The following ZNF519 variants were observed in gnomAD, a reference collection of about 807,000 sequenced individuals.
The protein encoded by ZNF519 is zinc finger protein 519.
A neutral mutation model predicts 7.4 loss-of-function variants in ZNF519; 7 were observed. The ratio of observed to expected loss-of-function variants is 0.94; its 90% CI spans 0.54 to 1.77. ZNF519 has a LOEUF of 1.77. Among genes scored for constraint, ZNF519 ranks in the 40% most tolerant of loss-of-function variants. The pLI is 0.00. For synonymous variants in ZNF519, 179 were observed against 203.3 expected (o/e 0.88, Z 1.02); for missense variants, 586 against 623.1 (o/e 0.94, Z 0.63).
intron 2 of ZNF519, among the ~76,000 whole-genome samples, chr18:14,116,844 T>C (rs2046248329): frequency 6.6e-6 from 1 of 152,144 alleles, no homozygotes; most frequent in Admixed American, 6.5e-5. Flanking sequence ...CTGTCTCTAC[T>C]AAAAATATTT....
In ZNF519 at chr18:14,105,453, G is replaced by C. The variant is rs2046184728; in HGVS notation, c.1087C>G (p.Leu363Val). 6.2e-7 allele frequency: 1 copy of C among 1,613,666 alleles called. No individual in the cohort carries two copies. Among genetic ancestry groups the C allele is most frequent in the Non-Finnish European group, 8.5e-7 (1 of 1,179,922 alleles). ...CGKAFNRGSY[L>V]TQHQRIHTGE... ...GTATGGATTCTCTGGTGTTGAGTAAGGTATGACCCCCTGTTAAAGGCTTTG... is the reference window on the plus strand; with the variant it reads ...GTATGGATTCTCTGGTGTTGAGTAACGTATGACCCCCTGTTAAAGGCTTTG... Residue 363 changes from leucine (L) to valine (V), a missense_variant, in exon 3 of 3, where the codon CTT (leucine) becomes GTT (valine). Leu to Val is a conservative substitution (Grantham distance 32). Transcript: ENST00000590202.
intron 2 of ZNF519, among the ~76,000 whole-genome samples, chr18:14,085,293 C>T (rs2046085935): frequency 2.6e-5 from 4 of 151,818 alleles, no homozygotes; most frequent in African/African-American, 4.8e-5. Flanking sequence ...TTCCCTTGCC[C>T]GAGACAGATT....
intron 2 of ZNF519, among the ~76,000 whole-genome samples, chr18:14,088,620 A>G (rs2046101215): frequency 6.6e-6 from 1 of 152,248 alleles, no homozygotes; most frequent in Non-Finnish European, 1.5e-5. Flanking sequence ...CAAAGAAAAG[A>G]TAAAAGTTGT....
Position 14,103,638 on chromosome 18 carries a change from A to G in ZNF519, c.*1279T>C, listed in dbSNP as rs1343523889. The G allele has an allele frequency of 6.6e-6, 1 of 152,128 alleles. No homozygotes were observed. The highest frequency in any genetic ancestry group is 1.5e-5 in the Non-Finnish European group (1 of 67,980). 9.4% of individuals were successfully genotyped at this position (152,128 alleles called of 1,614,324 possible). On this transcript the variant is annotated 3_prime_UTR_variant, in exon 3 of 3. Transcript: ENST00000590202. ...TAGCTAAGGGCTAATTAACTACTCA[A>G]CACACCTTGGGGAACTTGTTAGAGT...
downstream of ZNF519, chr18:14,073,755 T>C (rs1386108170): frequency 2.0e-5 from 3 of 152,220 alleles, no homozygotes; most frequent in African/African-American, 7.2e-5. Context: ...TTCAGATATT[T>C]TACCAGTACA....
chr18:14,099,296 G>A (rs2046149979), downstream of ZNF519, among the ~76,000 whole-genome samples: 2 of 151,964 alleles, frequency 1.3e-5, no homozygotes, highest in South Asian at 4.2e-4. Context: ...TTGGTGATGG[G>A]CACATAAAAG....
downstream of ZNF519, chr18:14,074,907 T>C (rs889535019): frequency 6.6e-6 from 1 of 152,164 alleles, no homozygotes; most frequent in African/African-American, 2.4e-5. Context: ...GTCCATTTTT[T>C]TTCACATTGC....
At chr18:14,077,191 G>A (rs142539912) in exon 5 of ZNF519, 1 of 152,202 alleles carries the variant, frequency 6.6e-6, no homozygotes, top group Non-Finnish European at 1.5e-5. Flanking sequence ...GTTAGGGACT[G>A]GTTTGTGACC....
intron 2 of ZNF519, among the ~76,000 whole-genome samples, chr18:14,109,036 G>A (rs2046208562): frequency 6.6e-6 from 1 of 152,010 alleles, no homozygotes; most frequent in Non-Finnish European, 1.5e-5. Context: ...GAACCTGGGA[G>A]GCAGAGGTTG....
At chr18:14,076,125 A>C (rs1446489173) in exon 5 of ZNF519, 1 of 152,164 alleles carries the variant, frequency 6.6e-6, no homozygotes, top group Non-Finnish European at 1.5e-5. Context: ...CGGAGCTGAC[A>C]ATGTGCTTAA....
intron 2 of ZNF519, among the ~76,000 whole-genome samples, chr18:14,108,571 C>T (rs532160101): frequency 3.6e-4 from 54 of 151,182 alleles, no homozygotes; most frequent in Non-Finnish European, 6.5e-4. Context: ...GAATGTAAAT[C>T]GACTAAACTC....
At chr18:14,083,697 C>A (rs943365181) in intron 3 of ZNF519, among the ~76,000 whole-genome samples, 1 of 152,098 alleles carries the variant, frequency 6.6e-6, no homozygotes, top group African/African-American at 2.4e-5. Context: ...TTACTTGAGG[C>A]CAGGAGTTCA....
chr18:14,096,264 C>T (rs1207327114), downstream of ZNF519, among the ~76,000 whole-genome samples: 1 of 152,204 alleles, frequency 6.6e-6, no homozygotes, highest in African/African-American at 2.4e-5. Flanking sequence ...GGCAATGTGA[C>T]TCTGCCCTTC....
In ZNF519 at chr18:14,130,734, C is replaced by T. The variant is rs567262261; in HGVS notation, c.3+1541G>A. Among the ~76,000 whole-genome samples, 20 of 151,900 alleles carry T rather than the reference C, an allele frequency of 1.3e-4. 1 individual carries two copies. In the South Asian group the frequency reaches 3.7e-3, roughly 28 times the overall value. On this transcript the variant is annotated intron_variant, in intron 1 of 2. Transcript: ENST00000590202. ...TCCTTCAGGTTAGTTTCTCTCCCTT[C>T]GCAAATATAAGACAATTCAGAAGAC...
intron 1 of ZNF519, among the ~76,000 whole-genome samples, chr18:14,129,641 A>C (rs2046319907): frequency 6.6e-6 from 1 of 152,130 alleles, no homozygotes; most frequent in Admixed American, 6.5e-5. Flanking sequence ...CTGAACACCA[A>C]CCAATTATCC....
At position 14,105,370 on chromosome 18, in the gene ZNF519, G is replaced by A. The variant is rs542240439; in HGVS notation, c.1170C>T (p.Tyr390=). The A allele has an allele frequency of 6.5e-5, 105 of 1,613,692 alleles. No homozygotes were observed. Among genetic ancestry groups the A allele is most frequent in the South Asian group, 2.5e-4 (23 of 91,066 alleles). The change falls in exon 3 of 3, where the codon TAC becomes TAT. Residue 390 remains tyrosine, a synonymous_variant. Coordinates refer to ENST00000590202, the MANE Select transcript of ZNF519 (RefSeq NM_145287.4). The stretch of plus-strand genomic sequence containing the variant: ...TATGCATTCTCTGATGCTGAGTAAC[G>A]TATGAGCTTCTATTAAAGGCTTTGC... The part of the protein sequence containing the change: ...ECGKAFNRSS[Y]VTQHQRMHTG...
Position 14,100,551 on chromosome 18 carries a change from T to C in ZNF519, c.*4366A>G, listed in dbSNP as rs1471444793. ...TAGATGAATCTCCAAGGAATTATGC[T>C]GAAGGAAAAGGGCCAATTACAAAAG... On this transcript the variant is annotated 3_prime_UTR_variant, in exon 3 of 3. Coordinates refer to ENST00000590202, the MANE Select transcript of ZNF519 (RefSeq NM_145287.4). The C allele has an allele frequency of 6.6e-6, 1 of 152,198 alleles. No homozygotes were observed. Among genetic ancestry groups the C allele is most frequent in the African/African-American group, 2.4e-5 (1 of 41,454 alleles). The allele number at this position is 152,198 out of a possible 1,614,324, so 9.4% of individuals were successfully genotyped here.
At chr18:14,074,815 T>A (rs949328344), downstream of ZNF519, 3 of 152,372 alleles carry the variant, frequency 2.0e-5, no homozygotes, top group African/African-American at 7.2e-5. Context: ...CTTTCCCTGT[T>A]ACCCAGTTCC....
intron 1 of ZNF519, among the ~76,000 whole-genome samples, chr18:14,131,419 G>A (rs181211395): frequency 0.016 from 2,361 of 152,278 alleles, 56 homozygotes; most frequent in African/African-American, 0.054. Flanking sequence ...ATGTCAGCAA[G>A]AAACCGGAAA....
Sources: gnomAD v4.1 joint callset for allele counts (sites outside exome capture counted in the v4.1 genomes callset) on GRCh38, gnomAD v4.1.1 for gene constraint, MANE v1.5 for transcripts, NCBI Gene and HGNC (gene_info 2026-07-23, HGNC 2026-07-21) for gene names.